The following MGA variants were observed in gnomAD, a reference collection of about 807,000 sequenced individuals.
MGA encodes the protein MAX gene-associated protein.
In MGA, 40 loss-of-function variants were observed where a neutral mutation model predicts 261.1. The ratio of observed to expected loss-of-function variants is 0.15; its 90% CI spans 0.12 to 0.20. MGA has a LOEUF of 0.20. Ranked by LOEUF, MGA falls within the 10% of genes least tolerant of loss-of-function variation. The pLI is 1.00. For synonymous variants in MGA, 1,302 were observed against 1,290.6 expected, an observed-to-expected ratio of 1.01 and a Z score of -0.19; for missense variants, 3,397 against 3,630.5, an observed-to-expected ratio of 0.94 and a Z score of 1.65.
chr15:41,702,180 G>T (rs940673815), intron 5 of MGA, among the ~76,000 whole-genome samples: 4 of 152,110 alleles, frequency 2.6e-5, no homozygotes, highest in African/African-American at 4.8e-5. Context: ...AATTAGCCAG[G>T]TGTGGTGGTG....
intron 1 of MGA, among the ~76,000 whole-genome samples, chr15:41,629,536 C>G (rs2056541727): frequency 6.6e-6 from 1 of 151,868 alleles, no homozygotes; most frequent in African/African-American, 2.4e-5. Context: ...AACTGCCAGC[C>G]TCTGCAACAT....
At chr15:41,718,632 GT>G in intron 9 of MGA, 1 of 292,402 alleles carries the variant, frequency 3.4e-6, no homozygotes. Flanking sequence ...GCTAATGCCA[GT>G]TTTGGTTGAG....
intron 2 of MGA, among the ~76,000 whole-genome samples, chr15:41,680,063 G>A (rs2058588335): frequency 6.6e-6 from 1 of 152,120 alleles, no homozygotes; most frequent in African/African-American, 2.4e-5. Flanking sequence ...CCCTTGATCA[G>A]TTTGTCTACA....
intron 2 of MGA, among the ~76,000 whole-genome samples, chr15:41,683,298 C>A (rs1199972411): frequency 6.6e-6 from 1 of 151,402 alleles, no homozygotes; most frequent in Non-Finnish European, 1.5e-5. Context: ...TGGCTCACTG[C>A]AAGCTTGGTC....
At chr15:41,639,750 G>A (rs1047146980) in intron 1 of MGA, among the ~76,000 whole-genome samples, 3 of 151,732 alleles carry the variant, frequency 2.0e-5, no homozygotes, top group East Asian at 1.9e-4. Flanking sequence ...GGGTTTCACC[G>A]TGTTAGCCAG....
chr15:41,731,024 C>T (rs981344791), intron 11 of MGA, among the ~76,000 whole-genome samples: 1 of 152,122 alleles, frequency 6.6e-6, no homozygotes, highest in Non-Finnish European at 1.5e-5. Flanking sequence ...GACATCCAAC[C>T]AATTTTCTAT....
chr15:41,698,741 T>C, intron 3 of MGA, 122 bp from the exon 4 acceptor site: 1 of 679,722 alleles, frequency 1.5e-6, no homozygotes, highest in Non-Finnish European at 2.5e-6. Context: ...CTGCCAATGT[T>C]AGCGTAACTG....
chr15:41,739,865 A>G (rs888480821), intron 13 of MGA, 41 bp from the exon 14 acceptor site: 3 of 1,586,348 alleles, frequency 1.9e-6, no homozygotes, highest in Non-Finnish European at 1.7e-6. Context: ...TTAGCAAGAG[A>G]ATTTTATCTT....
At chr15:41,728,191 C>T (rs891853401) in intron 10 of MGA, among the ~76,000 whole-genome samples, 4 of 152,060 alleles carry the variant, frequency 2.6e-5, no homozygotes, top group Admixed American at 6.6e-5. Context: ...ATTAGCCGGG[C>T]GTGGTGGCTC....
At chr15:41,709,994 A>G (rs1048102337) in intron 7 of MGA, among the ~76,000 whole-genome samples, 3 of 151,484 alleles carry the variant, frequency 2.0e-5, no homozygotes. Context: ...TGCTCAGCTA[A>G]TTTTGTATTT....
At chr15:41,676,229 C>T (rs916771456) in intron 2 of MGA, among the ~76,000 whole-genome samples, 1 of 152,040 alleles carries the variant, frequency 6.6e-6, no homozygotes, top group Non-Finnish European at 1.5e-5. Flanking sequence ...GTTGTGCCAG[C>T]TGGAGTCCAG....
intron 17 of MGA, chr15:41,750,975 G>C (rs1595974720): frequency 1.7e-5 from 3 of 172,658 alleles, no homozygotes; most frequent in African/African-American, 7.1e-5. Flanking sequence ...TTCTCTGGTA[G>C]ATGTTAATCA....
chr15:41,677,812 T>G (rs566249350), intron 2 of MGA, among the ~76,000 whole-genome samples: 33 of 152,308 alleles, frequency 2.2e-4, no homozygotes, highest in African/African-American at 7.9e-4. Context: ...CAGGAGTTCT[T>G]TATATATTTT....
At chr15:41,710,667 C>T in intron 7 of MGA, 24 bp from the exon 8 acceptor site, 1 of 1,569,702 alleles carries the variant, frequency 6.4e-7, no homozygotes, top group Non-Finnish European at 8.6e-7. Context: ...TTTCTTTAAG[C>T]ATTTTATGTT....
At chr15:41,713,094 T>C (rs1364054841) in intron 8 of MGA, 57 bp from the exon 9 acceptor site, 8 of 1,574,198 alleles carry the variant, frequency 5.1e-6, no homozygotes, top group Non-Finnish European at 6.9e-6. Context: ...GACCATAAGT[T>C]GGTGGTGGTG....
At chr15:41,655,570 T>C (rs566807756), upstream of MGA, among the ~76,000 whole-genome samples, 5 of 152,304 alleles carry the variant, frequency 3.3e-5, no homozygotes, top group South Asian at 6.2e-4. Context: ...TGTATTGTCA[T>C]TTATTTGTTT....
At chr15:41,633,865 C>G (rs998596933) in intron 1 of MGA, among the ~76,000 whole-genome samples, 2 of 152,202 alleles carry the variant, frequency 1.3e-5, no homozygotes, top group Non-Finnish European at 1.5e-5. Context: ...AAAATCCTTA[C>G]AACGGCCTTT....
intron 23 of MGA, among the ~76,000 whole-genome samples, chr15:41,765,268 C>G (rs956683310): frequency 2.6e-5 from 4 of 152,014 alleles, no homozygotes; most frequent in Non-Finnish European, 5.9e-5. Flanking sequence ...GTATTGGGAA[C>G]CATTTTGTGA....
chr15:41,700,103 GGCAC>G (rs1224740754), intron 5 of MGA, among the ~76,000 whole-genome samples: 1 of 142,054 alleles, frequency 7.0e-6, no homozygotes, highest in Admixed American at 7.4e-5. Flanking sequence ...GGAGTGCAGT[GGCAC>G]GATCTCAGCT....
Sources: gnomAD v4.1 joint callset for allele counts (sites outside exome capture counted in the v4.1 genomes callset) on GRCh38, gnomAD v4.1.1 for gene constraint, MANE v1.5 for transcripts, NCBI Gene and HGNC (gene_info 2026-07-23, HGNC 2026-07-21) for gene names.